Variants in PAQR5 observed in about 807,000 individuals in gnomAD.
PAQR5 encodes the protein membrane progestin receptor gamma.
A neutral mutation model predicts 34.5 loss-of-function variants in PAQR5; 20 were observed. The ratio of observed to expected loss-of-function variants is 0.58; its 90% confidence interval spans 0.41 to 0.84. PAQR5 has a LOEUF of 0.84. PAQR5 is among the 40% of genes least tolerant of loss of function. The probability of loss-of-function intolerance (pLI) is 0.00; values close to 1 mark genes in which losing one functional copy is unlikely to be tolerated. For missense variants in PAQR5, 378 were observed against 412.7 expected, an observed-to-expected ratio of 0.92 and a Z score of 0.73; for synonymous variants, 131 against 155.6, an observed-to-expected ratio of 0.84 and a Z score of 1.18.
intron 1 of PAQR5, among the ~76,000 whole-genome samples, chr15:69,307,671 G>C (rs2053748431): frequency 6.6e-6 from 1 of 152,234 alleles, no homozygotes; most frequent in Non-Finnish European, 1.5e-5. Flanking sequence ...TTTTCATCAG[G>C]AAGTGAGACA....
At chr15:69,334,404 G>C (rs536668652) in intron 1 of PAQR5, among the ~76,000 whole-genome samples, 4 of 152,280 alleles carry the variant, frequency 2.6e-5, no homozygotes, top group African/African-American at 9.6e-5. Flanking sequence ...TCTAAAATAA[G>C]GTCAGGTATC....
intron 3 of PAQR5, among the ~76,000 whole-genome samples, chr15:69,364,490 ATTATATATG>A: frequency 6.8e-6 from 1 of 147,988 alleles, no homozygotes; most frequent in African/African-American, 2.5e-5. Flanking sequence ...ATATATATAC[ATTATATATG>A]TTATATATAT....
At chr15:69,374,924 G>C (rs772181449) in intron 3 of PAQR5, among the ~76,000 whole-genome samples, 10 of 152,128 alleles carry the variant, frequency 6.6e-5, no homozygotes, top group Non-Finnish European at 8.8e-5. Flanking sequence ...TGAAGCCAGA[G>C]GCAGTTGCAG....
At chr15:69,334,452 G>T (rs2054465680) in intron 1 of PAQR5, among the ~76,000 whole-genome samples, 1 of 152,182 alleles carries the variant, frequency 6.6e-6, no homozygotes, top group South Asian at 2.1e-4. Flanking sequence ...CTGTTTCTTT[G>T]ACTTTTGAGA....
At chr15:69,370,193 T>C (rs1471824994) in intron 3 of PAQR5, among the ~76,000 whole-genome samples, 1 of 152,256 alleles carries the variant, frequency 6.6e-6, no homozygotes, top group Non-Finnish European at 1.5e-5. Context: ...AGCTGGGTGC[T>C]GTGAAGCACA....
At position 69,384,737 on chromosome 15, in the gene PAQR5, C is replaced by T. The variant is rs2056059917; in HGVS notation, c.240C>T (p.Tyr80=). ...LYMTDIKNDS[Y]SWPMLVYMCT... ...TGACAGACATCAAGAATGACAGCTA[C>T]TCCTGGCCCATGCTTGTGTACATGT... Residue 80 remains tyrosine, a synonymous_variant, in exon 5 of 9, where the codon TAC becomes TAT. Coordinates refer to ENST00000395407, the MANE Select transcript of PAQR5 (RefSeq NM_017705.4). 5.6e-6 allele frequency: 9 copies of T among 1,614,078 alleles called. No homozygotes were observed. Among genetic ancestry groups the T allele is most frequent in the Non-Finnish European group, 6.8e-6 (8 of 1,179,940 alleles).
intron 4 of PAQR5, 45 bp downstream of exon 4, chr15:69,380,055 T>G (rs2055840283): frequency 6.2e-7 from 1 of 1,604,992 alleles, no homozygotes; most frequent in South Asian, 1.1e-5. Context: ...TCAGGAGCCC[T>G]GGAGACCAGG....
At chr15:69,395,539 G>C (rs1366833726) in intron 6 of PAQR5, among the ~76,000 whole-genome samples, 1 of 152,226 alleles carries the variant, frequency 6.6e-6, no homozygotes, top group African/African-American at 2.4e-5. Flanking sequence ...GCCATGCACA[G>C]TTCTAAACAC....
intron 6 of PAQR5, among the ~76,000 whole-genome samples, chr15:69,393,495 T>C (rs1251441269): frequency 6.8e-6 from 1 of 147,352 alleles, no homozygotes; most frequent in East Asian, 2.0e-4. Flanking sequence ...TGAGGGCATC[T>C]GAGACAATAC....
intron 6 of PAQR5, chr15:69,391,415 G>A (rs1384547375): frequency 9.7e-6 from 2 of 206,180 alleles, no homozygotes; most frequent in Non-Finnish European, 2.0e-5. Flanking sequence ...GCTAAGGTGG[G>A]TTGGAAGTGT....
intron 3 of PAQR5, 49 bp from the exon 4 acceptor site, chr15:69,379,834 G>A (rs1456938859): frequency 1.0e-5 from 16 of 1,594,320 alleles, no homozygotes; most frequent in South Asian, 2.3e-5. Context: ...AGAGACCTTC[G>A]TGCCACCCTC....
chr15:69,358,768 CAT>C (rs1157308027), intron 2 of PAQR5, among the ~76,000 whole-genome samples: 8 of 150,698 alleles, frequency 5.3e-5, no homozygotes, highest in Admixed American at 2.0e-4. Context: ...AGTATAACAC[CAT>C]ACCCAGCTAA....
chr15:69,380,134 G>T, intron 4 of PAQR5, 124 bp downstream of exon 4: 1 of 1,008,032 alleles, frequency 9.9e-7, no homozygotes, highest in East Asian at 2.4e-5. Flanking sequence ...TCCCCCGTGG[G>T]TACACGCGGG....
intron 1 of PAQR5, among the ~76,000 whole-genome samples, chr15:69,307,556 G>T (rs1342023947): frequency 1.3e-5 from 2 of 152,196 alleles, no homozygotes; most frequent in African/African-American, 4.8e-5. Context: ...GGCCCTGAGG[G>T]TAGGAGGGGC....
chr15:69,359,822 A>C, intron 2 of PAQR5, 144 bp from the exon 3 acceptor site: 1 of 441,796 alleles, frequency 2.3e-6, no homozygotes, highest in Non-Finnish European at 4.1e-6. Context: ...CAGCAGTCTG[A>C]TCATTTTGCT....
At chr15:69,370,581 G>A (rs985935991) in intron 3 of PAQR5, among the ~76,000 whole-genome samples, 11 of 152,046 alleles carry the variant, frequency 7.2e-5, no homozygotes, top group African/African-American at 1.4e-4. Flanking sequence ...GTGGAATGGC[G>A]CGATCTTGGC....
At chr15:69,399,450 T>G (rs914106597) in intron 7 of PAQR5, among the ~76,000 whole-genome samples, 3 of 152,216 alleles carry the variant, frequency 2.0e-5, no homozygotes, top group African/African-American at 7.2e-5. Context: ...CTTGGCAGTT[T>G]GTTACAGGTA....
At chr15:69,336,254 A>C (rs2054513577) in intron 1 of PAQR5, among the ~76,000 whole-genome samples, 1 of 152,226 alleles carries the variant, frequency 6.6e-6, no homozygotes, top group Non-Finnish European at 1.5e-5. Flanking sequence ...CAAACTTTCC[A>C]AAATCAAATT....
At chr15:69,322,719 GA>G (rs2054131136) in intron 1 of PAQR5, among the ~76,000 whole-genome samples, 1 of 22,662 alleles carries the variant, frequency 4.4e-5, no homozygotes, top group Non-Finnish European at 9.5e-5. Flanking sequence ...AGAAGAAGAA[GA>G]AGAAGAAGAA....
Sources: gnomAD v4.1 joint callset for allele counts (sites outside exome capture counted in the v4.1 genomes callset) on GRCh38, gnomAD v4.1.1 for gene constraint, MANE v1.5 for transcripts, NCBI Gene and HGNC (gene_info 2026-07-23, HGNC 2026-07-21) for gene names.